The following DNM3 variants were observed in gnomAD, a reference collection of about 807,000 sequenced individuals.
DNM3 encodes the protein dynamin-3.
In DNM3, 47 loss-of-function variants were observed where a neutral mutation model predicts 101.6. That is an observed-to-expected ratio of 0.46 (90% CI 0.37 to 0.59). The LOEUF (loss-of-function observed/expected upper bound fraction) is 0.59, where lower values mean the gene tolerates loss of function less well. Among genes scored for constraint, DNM3 ranks in the 20% least tolerant of loss-of-function variants. The pLI, the probability that DNM3 is intolerant of heterozygous loss-of-function variation, is 0.00. For synonymous variants in DNM3, 385 were observed against 387.9 expected (o/e 0.99, Z 0.09); for missense variants, 849 against 1,085.7 (o/e 0.78, Z 3.06).
chr1:172,090,953 G>T (rs561083202), intron 12 of DNM3, among the ~76,000 whole-genome samples: 1 of 152,230 alleles, frequency 6.6e-6, no homozygotes, highest in South Asian at 2.1e-4. Flanking sequence ...ACTGAGTATT[G>T]CTGATCTTCC....
chr1:172,290,915 C>T (rs2063886135), intron 15 of DNM3, among the ~76,000 whole-genome samples: 1 of 152,082 alleles, frequency 6.6e-6, no homozygotes, highest in Non-Finnish European at 1.5e-5. Flanking sequence ...AGTGAGGTAG[C>T]AGTGTGGGAG....
At chr1:172,114,585 ACTTGTGCCTTTTGTTCC>A (rs1253174242) in intron 13 of DNM3, among the ~76,000 whole-genome samples, 1 of 152,214 alleles carries the variant, frequency 6.6e-6, no homozygotes, top group African/African-American at 2.4e-5. Context: ...TCTTCCATGC[ACTTGTGCCTTTTGTTCC>A]CTGTACTAAC....
chr1:172,267,320 G>T (rs1043146354), intron 15 of DNM3, among the ~76,000 whole-genome samples: 1 of 152,176 alleles, frequency 6.6e-6, no homozygotes, highest in Non-Finnish European at 1.5e-5. Flanking sequence ...ATATGGAGAA[G>T]ATAGAAATAA....
rs923257316 is a variant in DNM3, at chr1:172,147,326, C to A, written c.1659+16038C>A. On this transcript the variant is annotated intron_variant, in intron 14 of 20. Transcript: ENST00000627582. ...GGAAATGCCTTAATAACTTTTCTTA[C>A]GTCTGTAAAGTTATCACTTGAATAC... Among the ~76,000 whole-genome samples the A allele has an allele frequency of 2.0e-5, 3 of 152,092 alleles. No homozygotes were observed. The South Asian group carries it at 6.2e-4, about 31-fold the overall frequency.
chr1:171,927,069 A>G (rs115648964), intron 2 of DNM3, among the ~76,000 whole-genome samples: 127 of 152,340 alleles, frequency 8.3e-4, no homozygotes, highest in African/African-American at 3.0e-3. Flanking sequence ...AAAGAAAGAA[A>G]TAAAAGGCAT....
Position 171,848,248 on chromosome 1 carries a change from G to A in DNM3, c.161+6431G>A, listed in dbSNP as rs114895818. On this transcript the variant is annotated intron_variant, in intron 1 of 20. Transcript: ENST00000627582. Reference sequence around the variant, plus strand: ...CATTGGGCCAGCCTTTTTCTCTTCCGTGATACTCTCTTTCATTACTCTTCT... The same window carrying A: ...CATTGGGCCAGCCTTTTTCTCTTCCATGATACTCTCTTTCATTACTCTTCT... Among the ~76,000 whole-genome samples the A allele has an allele frequency of 5.4e-3, 822 of 152,064 alleles. 16 individuals are homozygous for A. The highest frequency in any genetic ancestry group is 0.018 in the African/African-American group (763 of 41,476).
chr1:172,363,359 C>A (rs1384573619), intron 17 of DNM3, among the ~76,000 whole-genome samples: 2 of 151,876 alleles, frequency 1.3e-5, no homozygotes, highest in Non-Finnish European at 1.5e-5. Context: ...TCCATAAAAA[C>A]CGATTTCTCT....
chr1:172,232,340 A>G (rs1436805149), intron 14 of DNM3, among the ~76,000 whole-genome samples: 2 of 152,218 alleles, frequency 1.3e-5, no homozygotes, highest in Non-Finnish European at 1.5e-5. Flanking sequence ...AGAGCTAACT[A>G]TCCTAAATAT....
chr1:171,876,396 T>C (rs1043490704), intron 1 of DNM3, among the ~76,000 whole-genome samples: 7 of 152,304 alleles, frequency 4.6e-5, no homozygotes, highest in Admixed American at 6.5e-5. Context: ...CTTTTCTTTT[T>C]CTCCCCTAAA....
At chr1:172,048,805 C>T (rs956832996) in intron 10 of DNM3, 55 bp downstream of exon 10, 13 of 1,572,604 alleles carry the variant, frequency 8.3e-6, no homozygotes, top group African/African-American at 1.4e-5. Flanking sequence ...TCAACATTCC[C>T]TATCTCATTG....
chr1:172,040,156 G>T (rs544459342), intron 7 of DNM3, among the ~76,000 whole-genome samples: 3 of 152,098 alleles, frequency 2.0e-5, no homozygotes, highest in African/African-American at 4.8e-5. Context: ...GAGGTATAGG[G>T]TTTAAGGGAA....
chr1:172,098,193 G>A (rs940399115), intron 13 of DNM3, among the ~76,000 whole-genome samples: 2 of 152,156 alleles, frequency 1.3e-5, no homozygotes, highest in Admixed American at 6.5e-5. Context: ...CGGGAGACTA[G>A]GGCTTATTTC....
At chr1:172,282,455 G>A (rs1267509286) in intron 15 of DNM3, among the ~76,000 whole-genome samples, 1 of 151,974 alleles carries the variant, frequency 6.6e-6, no homozygotes, top group Non-Finnish European at 1.5e-5. Flanking sequence ...TCACAGACTA[G>A]CACACATAAT....
At chr1:172,267,609 AATCTTAACGT>A (rs2062914625) in intron 15 of DNM3, among the ~76,000 whole-genome samples, 1 of 152,080 alleles carries the variant, frequency 6.6e-6, no homozygotes, top group Non-Finnish European at 1.5e-5. Flanking sequence ...TCATTCTCAT[AATCTTAACGT>A]TTATTATTCA....
At chr1:172,299,746 A>G (rs1573359031) in intron 15 of DNM3, among the ~76,000 whole-genome samples, 1 of 152,162 alleles carries the variant, frequency 6.6e-6, no homozygotes, top group Non-Finnish European at 1.5e-5. Flanking sequence ...AGTATTCCAT[A>G]GTGTATATGT....
chr1:171,945,934 A>G (rs1194489934), intron 2 of DNM3, among the ~76,000 whole-genome samples: 2 of 152,196 alleles, frequency 1.3e-5, no homozygotes, highest in East Asian at 1.9e-4. Context: ...GCAGTTTAGC[A>G]TGCTATAGGA....
At chr1:172,042,203 A>T in intron 8 of DNM3, 59 bp downstream of exon 8, 1 of 1,470,750 alleles carries the variant, frequency 6.8e-7, no homozygotes, top group Non-Finnish European at 9.1e-7. Flanking sequence ...TCTGTTTTAT[A>T]CAACTTAATA....
chr1:172,163,966 C>T (rs112201414), intron 14 of DNM3, among the ~76,000 whole-genome samples: 4,935 of 150,310 alleles, frequency 0.033, 256 homozygotes, highest in African/African-American at 0.11. Context: ...TACACACACA[C>T]ACACACACAC....
At position 172,046,551 on chromosome 1, in the gene DNM3, A is replaced by G. The variant is rs546364023; in HGVS notation, c.1197-2061A>G. Reference sequence around the variant, plus strand: ...GCACATGTACCCTAAAACTTAAAGTATAATAATAATAAAAAAAAGAAAGAA... The same window carrying G: ...GCACATGTACCCTAAAACTTAAAGTGTAATAATAATAAAAAAAAGAAAGAA... On this transcript the variant is annotated intron_variant, in intron 9 of 20. Coordinates refer to ENST00000627582, the MANE Select transcript of DNM3 (RefSeq NM_015569.5). Among the ~76,000 whole-genome samples the G allele has an allele frequency of 4.0e-5, 6 of 149,124 alleles. No individual in the cohort carries two copies. The South Asian group carries it at 1.3e-3, about 32-fold the overall frequency.
Sources: allele counts gnomAD v4.1 joint callset (sites outside exome capture counted in the v4.1 genomes callset), GRCh38; gene constraint gnomAD v4.1.1; transcripts MANE v1.5; gene names NCBI Gene and HGNC (gene_info 2026-07-23, HGNC 2026-07-21).